Variants in RAI14 observed in about 807,000 individuals in gnomAD.
RAI14 encodes ankycorbin.
Under a neutral mutation model 115.4 loss-of-function variants are expected in RAI14, and 45 were observed. That is an observed-to-expected ratio of 0.39 (90% CI 0.31 to 0.50). The LOEUF (loss-of-function observed/expected upper bound fraction) is 0.50, where lower values mean the gene tolerates loss of function less well. Among genes scored for constraint, RAI14 ranks in the 20% least tolerant of loss-of-function variants. The pLI, the probability that RAI14 is intolerant of heterozygous loss-of-function variation, is 0.85. For missense variants in RAI14, 939 were observed against 1,131.2 expected (o/e 0.83, Z 2.44); for synonymous variants, 371 against 415.4 (o/e 0.89, Z 1.30).
Position 34,821,788 on chromosome 5 carries a change from C to T in RAI14, c.1051C>T (p.Leu351=), listed in dbSNP as rs774354330. 1 of 1,612,802 alleles carries T rather than the reference C, an allele frequency of 6.2e-7. No homozygotes were observed. ...SEADQQDLLS[L]LQAKVASLTL... ...AGCTGACCAACAAGATCTTCTCTCT[C>T]TATTGCAAGCAAAAGTTGCTTCCCT... Residue 351 remains leucine, a synonymous_variant, in exon 14 of 18, where the codon CTA becomes TTA. Coordinates refer to ENST00000265109, the MANE Select transcript of RAI14 (RefSeq NM_015577.3).
chr5:34,803,860 C>A, intron 5 of RAI14, 84 bp downstream of exon 5: 1 of 1,210,338 alleles, frequency 8.3e-7, no homozygotes, highest in Non-Finnish European at 1.2e-6. Context: ...CAAACACACC[C>A]TCCATACACA....
chr5:34,714,235 T>C (rs1397500359), intron 2 of RAI14, among the ~76,000 whole-genome samples: 1 of 152,268 alleles, frequency 6.6e-6, no homozygotes, highest in East Asian at 1.9e-4. Flanking sequence ...TTTTTTTCTG[T>C]TCATTAATGT....
At chr5:34,684,862 C>T (rs1296312909) in intron 1 of RAI14, 1 of 152,204 alleles carries the variant, frequency 6.6e-6, no homozygotes, top group Non-Finnish European at 1.5e-5. Flanking sequence ...CTGTGGTAAA[C>T]GTGTGCCTGC....
rs142429173 is a variant in RAI14 at position 34,667,558 on chromosome 5, A to AT, written c.-49+11091dup. Reference sequence around the variant, plus strand: ...TGCCTGAGCCTTTTTTATTATTATTATTTTTTTTGCATTGGAAAAAAACTA... The same window carrying AT: ...TGCCTGAGCCTTTTTTATTATTATTATTTTTTTTTGCATTGGAAAAAAACTA... On this transcript the variant is annotated intron_variant, in intron 1 of 17. Transcript: ENST00000265109. 9.4e-3 allele frequency among the ~76,000 whole-genome samples: 1,423 copies of AT among 151,170 alleles called. 22 individuals carry two copies. Among genetic ancestry groups the AT allele is most frequent in the African/African-American group, 0.032 (1,341 of 41,350 alleles).
chr5:34,786,331 G>A (rs1055378128), intron 3 of RAI14, among the ~76,000 whole-genome samples: 38 of 152,172 alleles, frequency 2.5e-4, no homozygotes, highest in African/African-American at 8.7e-4. Context: ...GGTGCTGCTC[G>A]AACAGTCACT....
chr5:34,741,670 A>G (rs1745526967), intron 2 of RAI14, among the ~76,000 whole-genome samples: 1 of 152,176 alleles, frequency 6.6e-6, no homozygotes, highest in Non-Finnish European at 1.5e-5. Context: ...TTAAGGTTTG[A>G]AACTGGATTA....
At chr5:34,687,609 G>T (rs963509717) in intron 2 of RAI14, 4 of 1,520,456 alleles carry the variant, frequency 2.6e-6, no homozygotes, top group Non-Finnish European at 3.5e-6. Context: ...TTTTTAAAAG[G>T]TCACCCCATA....
In RAI14 at chr5:34,823,852, T is replaced by C. The variant is rs941744712; in HGVS notation, c.2010T>C (p.Asp670=). The change falls in exon 15 of 18, where the codon GAT becomes GAC. Residue 670 remains aspartate, a synonymous_variant. Transcript: ENST00000265109. The surrounding 1 kb of genome is among the most constrained non-coding windows in gnomAD (Gnocchi z 4.5). ...EDYRKRKSLE[D]VTAEYIHKAE... is the part of the protein sequence containing the mutation. ...ACAGGAAGAGGAAATCTCTAGAGGATGTCACAGCTGAATATATCCATAAAG... is the reference window on the plus strand; with the variant it reads ...ACAGGAAGAGGAAATCTCTAGAGGACGTCACAGCTGAATATATCCATAAAG... 8.1e-6 allele frequency: 13 copies of C among 1,614,170 alleles called. No individual in the cohort carries two copies. Among genetic ancestry groups the C allele is most frequent in the Admixed American group, 1.7e-5 (1 of 60,010 alleles).
intron 3 of RAI14, among the ~76,000 whole-genome samples, chr5:34,776,520 T>C (rs1366927226): frequency 6.6e-6 from 1 of 152,110 alleles, no homozygotes; most frequent in East Asian, 1.9e-4. Context: ...TATTAAAATA[T>C]CTTGGCTGGG....
chr5:34,704,233 A>G (rs1194005304), intron 2 of RAI14, among the ~76,000 whole-genome samples: 1 of 152,220 alleles, frequency 6.6e-6, no homozygotes, highest in East Asian at 1.9e-4. Context: ...CCAATGAGAG[A>G]GAATGTTAAC....
chr5:34,745,547 C>T (rs1746052020), intron 2 of RAI14, among the ~76,000 whole-genome samples: 1 of 152,188 alleles, frequency 6.6e-6, no homozygotes, highest in African/African-American at 2.4e-5. Context: ...ATCCCATAGT[C>T]ATTGCAGGTA....
chr5:34,668,639 T>A (rs1743395781), intron 1 of RAI14, among the ~76,000 whole-genome samples: 2 of 152,176 alleles, frequency 1.3e-5, no homozygotes, highest in Admixed American at 1.3e-4. Flanking sequence ...TGATATCATT[T>A]TTCTCTTTTG....
intron 4 of RAI14, among the ~76,000 whole-genome samples, chr5:34,798,795 C>A (rs1195778655): frequency 2.6e-5 from 4 of 152,210 alleles, no homozygotes; most frequent in Admixed American, 2.6e-4. Flanking sequence ...GCTGTGGACA[C>A]AGCCTGGATA....
At chr5:34,667,054 A>G (rs1049359114) in intron 1 of RAI14, among the ~76,000 whole-genome samples, 2 of 152,166 alleles carry the variant, frequency 1.3e-5, no homozygotes, top group Non-Finnish European at 2.9e-5. Context: ...CCCCTTGGAA[A>G]GGGACAGTTA....
intron 2 of RAI14, among the ~76,000 whole-genome samples, chr5:34,732,483 G>A: frequency 6.9e-6 from 1 of 145,106 alleles, no homozygotes; most frequent in African/African-American, 2.6e-5. Context: ...CTGTCACTCA[G>A]GCTAGAGTAC....
At chr5:34,774,980 T>C (rs1393941624) in intron 3 of RAI14, among the ~76,000 whole-genome samples, 1 of 152,114 alleles carries the variant, frequency 6.6e-6, no homozygotes, top group East Asian at 1.9e-4. Context: ...TACAGTAAAC[T>C]CATTTTTGAC....
intron 1 of RAI14, among the ~76,000 whole-genome samples, chr5:34,683,862 G>T (rs1744580457): frequency 6.6e-6 from 1 of 152,098 alleles, no homozygotes; most frequent in Non-Finnish European, 1.5e-5. Flanking sequence ...CGAGTGGCTG[G>T]GACTACAGGC....
intron 2 of RAI14, among the ~76,000 whole-genome samples, chr5:34,714,015 G>T (rs1299356620): frequency 6.6e-6 from 1 of 152,014 alleles, no homozygotes; most frequent in African/African-American, 2.4e-5. Flanking sequence ...TATTGGCCAG[G>T]CTGGTCTCGA....
intron 2 of RAI14, among the ~76,000 whole-genome samples, chr5:34,694,640 G>T (rs1739005730): frequency 6.6e-6 from 1 of 152,176 alleles, no homozygotes; most frequent in Non-Finnish European, 1.5e-5. Flanking sequence ...GAGGCTGAAT[G>T]ATCTGATGGT....
Sources: gnomAD v4.1 joint callset for allele counts (sites outside exome capture counted in the v4.1 genomes callset) on GRCh38, gnomAD v4.1.1 for gene constraint, Gnocchi (gnomAD v3.1) non-coding constraint, MANE v1.5 for transcripts, NCBI Gene and HGNC (gene_info 2026-07-23, HGNC 2026-07-21) for gene names.